EYS: variants seen among roughly 807,000 people sequenced by gnomAD.
EYS encodes the protein protein eyes shut homolog.
In EYS, 250 loss-of-function variants were observed where a neutral mutation model predicts 282.1. That is an observed-to-expected ratio of 0.89 (90% CI 0.80 to 0.98). The LOEUF is 0.98. EYS is among the 50% of genes least tolerant of loss of function. EYS has a pLI of 0.00. For synonymous variants in EYS, 1,355 were observed against 1,282.9 expected (o/e 1.06, Z -1.20); for missense variants, 4,016 against 3,709.0 (o/e 1.08, Z -2.15).
chr6:64,463,922 C>G (rs1366065882), intron 26 of EYS, among the ~76,000 whole-genome samples: 2 of 152,140 alleles, frequency 1.3e-5, no homozygotes, highest in Non-Finnish European at 2.9e-5. Flanking sequence ...GGAATACTTC[C>G]AGATTCATTG....
chr6:65,440,548 G>T (rs190090829), intron 5 of EYS, among the ~76,000 whole-genome samples: 7 of 151,622 alleles, frequency 4.6e-5, no homozygotes, highest in Admixed American at 4.6e-4. Context: ...TTAATAGGAC[G>T]TGCAAGCTGG....
intron 22 of EYS, among the ~76,000 whole-genome samples, chr6:64,674,311 C>T (rs528256968): frequency 6.6e-6 from 1 of 152,076 alleles, no homozygotes; most frequent in South Asian, 2.1e-4. Context: ...GACAAAATGT[C>T]CCTATTTCTT....
intron 22 of EYS, among the ~76,000 whole-genome samples, chr6:64,687,823 G>A (rs1419606636): frequency 6.6e-6 from 1 of 152,166 alleles, no homozygotes; most frequent in Non-Finnish European, 1.5e-5. Flanking sequence ...ACCTCTGGTA[G>A]AATTCGGCAG....
chr6:64,667,987 T>C (rs915861630), intron 22 of EYS, among the ~76,000 whole-genome samples: 1 of 152,128 alleles, frequency 6.6e-6, no homozygotes, highest in African/African-American at 2.4e-5. Context: ...ATCCCAGAGT[T>C]TTTCATTCAG....
chr6:64,477,579 C>T (rs780028822), intron 26 of EYS, among the ~76,000 whole-genome samples: 8 of 152,072 alleles, frequency 5.3e-5, no homozygotes, highest in South Asian at 2.1e-4. Flanking sequence ...GACCCACGGC[C>T]ACCCTTTTAT....
intron 12 of EYS, among the ~76,000 whole-genome samples, chr6:65,273,500 A>G (rs528877231): frequency 1.3e-5 from 2 of 152,238 alleles, no homozygotes; most frequent in Non-Finnish European, 2.9e-5. Flanking sequence ...AAGGACAATT[A>G]TAAGGTAACA....
At chr6:65,484,976 A>G (rs899961682) in intron 5 of EYS, among the ~76,000 whole-genome samples, 1 of 152,250 alleles carries the variant, frequency 6.6e-6, no homozygotes, top group Admixed American at 6.5e-5. Context: ...ATATGGATCA[A>G]GAAGTCTAAA....
chr6:63,816,663 C>G (rs1009139949), intron 36 of EYS, among the ~76,000 whole-genome samples: 17 of 152,210 alleles, frequency 1.1e-4, no homozygotes, highest in African/African-American at 3.6e-4. Context: ...AAATATTACT[C>G]TCTCTCTTTG....
chr6:64,346,128 G>C (rs1373556883), intron 29 of EYS, among the ~76,000 whole-genome samples: 1 of 152,078 alleles, frequency 6.6e-6, no homozygotes, highest in Non-Finnish European at 1.5e-5. Flanking sequence ...TTCAACCATT[G>C]TGGAAGTCAG....
At chr6:65,123,028 G>A (rs1775609426) in intron 12 of EYS, among the ~76,000 whole-genome samples, 2 of 152,064 alleles carry the variant, frequency 1.3e-5, no homozygotes, top group Admixed American at 6.5e-5. Context: ...ATGAGTACTT[G>A]CAGCTATGCT....
intron 26 of EYS, among the ~76,000 whole-genome samples, chr6:64,523,866 T>A (rs1035893195): frequency 1.3e-5 from 2 of 151,686 alleles, no homozygotes; most frequent in East Asian, 3.9e-4. Flanking sequence ...AGAAAAACCA[T>A]CCATTTAAAA....
At chr6:65,077,046 G>A (rs138266009) in intron 12 of EYS, among the ~76,000 whole-genome samples, 1 of 151,996 alleles carries the variant, frequency 6.6e-6, no homozygotes, top group Admixed American at 6.6e-5. Context: ...AAAAGTCAAC[G>A]ATTAGTGGGG....
intron 14 of EYS, among the ~76,000 whole-genome samples, chr6:64,968,630 A>T (rs75591996): frequency 6.6e-6 from 1 of 152,260 alleles, no homozygotes; most frequent in East Asian, 1.9e-4. Context: ...AGGACCCTCA[A>T]TTTGGCTTCC....
chr6:64,204,082 T>C (rs1410921740), intron 31 of EYS, among the ~76,000 whole-genome samples: 3 of 152,172 alleles, frequency 2.0e-5, no homozygotes, highest in African/African-American at 7.2e-5. Context: ...TACCTGGCAT[T>C]AAATATTTAG....
intron 2 of EYS, among the ~76,000 whole-genome samples, chr6:65,503,780 T>C (rs1766548271): frequency 6.6e-6 from 1 of 151,742 alleles, no homozygotes; most frequent in African/African-American, 2.4e-5. Flanking sequence ...TGTGTGGGTC[T>C]ATGTTTGGAC....
rs183781322 is a variant in EYS, at chr6:64,345,789, C to T, written c.6079-38707G>A. On this transcript the variant is annotated intron_variant, in intron 29 of 42. Coordinates refer to ENST00000503581, the MANE Select transcript of EYS (RefSeq NM_001142800.2). Reference sequence around the variant, plus strand: ...AACCTACAGAATGGGAGAAAATTTTCGCAACCTACTTCTCTGACAAAGGGC... The same window carrying T: ...AACCTACAGAATGGGAGAAAATTTTTGCAACCTACTTCTCTGACAAAGGGC... Among the ~76,000 whole-genome samples the T allele has an allele frequency of 2.6e-3, 395 of 151,960 alleles. 2 individuals carry two copies. Among genetic ancestry groups the T allele is most frequent in the African/African-American group, 8.5e-3 (354 of 41,484 alleles).
At chr6:65,268,891 A>C (rs1483741999) in intron 12 of EYS, among the ~76,000 whole-genome samples, 2 of 152,056 alleles carry the variant, frequency 1.3e-5, no homozygotes, top group Non-Finnish European at 2.9e-5. Flanking sequence ...AGCTTTAATG[A>C]TTGTAAAACT....
chr6:65,264,750 C>T (rs565751716), intron 12 of EYS, among the ~76,000 whole-genome samples: 2 of 151,824 alleles, frequency 1.3e-5, no homozygotes, highest in African/African-American at 4.8e-5. Flanking sequence ...CAATGAAAGA[C>T]TATTTACTGA....
chr6:64,936,757 G>T (rs903746190), intron 15 of EYS, among the ~76,000 whole-genome samples: 2 of 151,080 alleles, frequency 1.3e-5, no homozygotes, highest in East Asian at 2.0e-4. Flanking sequence ...ATTATTGAAA[G>T]AAATTAAAGA....
Sources: allele counts gnomAD v4.1 joint callset (sites outside exome capture counted in the v4.1 genomes callset), GRCh38; gene constraint gnomAD v4.1.1; transcripts MANE v1.5; gene names NCBI Gene and HGNC (gene_info 2026-07-23, HGNC 2026-07-21).